Variants in PLEC observed in about 807,000 individuals in gnomAD.
The protein encoded by PLEC is hemidesmosomal protein 1.
In PLEC, 216 loss-of-function variants were observed where a neutral mutation model predicts 392.8. The ratio of observed to expected loss-of-function variants is 0.55; its 90% CI spans 0.49 to 0.62. PLEC has a LOEUF of 0.62. Ranked by LOEUF, PLEC falls within the 20% of genes least tolerant of loss-of-function variation. The probability of loss-of-function intolerance (pLI) is 0.00; values close to 1 mark genes in which losing one functional copy is unlikely to be tolerated. For missense variants in PLEC, 6,863 were observed against 6,563.4 expected (o/e 1.05, Z -1.58); for synonymous variants, 3,621 against 2,980.6 (o/e 1.21, Z -7.00).
rs1554726577 is a variant in PLEC at position 143,939,341 on chromosome 8, C to A, written c.112+9G>T. 1 of 1,609,188 alleles carries A rather than the reference C, an allele frequency of 6.2e-7. No homozygotes were observed. Among genetic ancestry groups the A allele is most frequent in the South Asian group, 1.1e-5 (1 of 90,164 alleles). Reference sequence around the variant, plus strand: ...GCCTGGCGGGGGTGCCCGAGGGGAGCCCTGCTACCTTTCTTGCCCTCAGAG... The same window carrying A: ...GCCTGGCGGGGGTGCCCGAGGGGAGACCTGCTACCTTTCTTGCCCTCAGAG... On this transcript the variant is annotated intron_variant, in intron 1 of 31. Transcript: ENST00000345136.
Position 143,920,165 on chromosome 8 carries a change from G to C in PLEC, c.9656C>G (p.Ala3219Gly). Residue 3219 changes from alanine to glycine, a missense_variant, in exon 32 of 32, where the codon GCC becomes GGC. Physicochemically the swap from Ala to Gly is moderately conservative, Grantham distance 60. Transcript: ENST00000345136. ...LLPLSEKAARARQEELYSELQ... is the reference protein window; with the variant it reads ...LLPLSEKAARGRQEELYSELQ... ...CTCTGAGTAGAGCTCCTCCTGCCGG[G>C]CCCGAGCAGCCTTTTCTGAGAGCGG... 1.2e-6 allele frequency: 2 copies of C among 1,612,410 alleles called. No homozygotes were observed. Among genetic ancestry groups the C allele is most frequent in the Non-Finnish European group, 8.5e-7 (1 of 1,179,988 alleles).
upstream of PLEC, among the ~76,000 whole-genome samples, chr8:143,975,765 C>A (rs946319596): frequency 6.6e-6 from 1 of 152,088 alleles, no homozygotes; most frequent in Non-Finnish European, 1.5e-5. The surrounding 1 kb of genome is among the most constrained non-coding windows in gnomAD (Gnocchi z 9.9). Flanking sequence ...CCTACTCTGT[C>A]ACCCAGGGGC....
Position 143,931,569 on chromosome 8 carries a change from C to G in PLEC, c.2269G>C (p.Val757Leu). 1 of 1,596,840 alleles carries G rather than the reference C, an allele frequency of 6.3e-7. No individual in the cohort carries two copies. The highest frequency in any genetic ancestry group is 8.5e-7 in the Non-Finnish European group (1 of 1,171,912). Residue 757 changes from valine (V) to leucine (L), a missense_variant, in exon 19 of 32, where the codon GTC becomes CTC. Val to Leu is a conservative substitution (Grantham distance 32). Transcript: ENST00000345136. Reference sequence around the variant, plus strand: ...TGCAGCAGGTCCTCCAGCCGGGTGACGGTGGCGGAGCGATCACAACTGTAT... The same window carrying G: ...TGCAGCAGGTCCTCCAGCCGGGTGAGGGTGGCGGAGCGATCACAACTGTAT... ...RKYSCDRSAT[V>L]TRLEDLLQDA...
In PLEC at chr8:143,921,330, G is replaced by A. The variant is rs781797258; in HGVS notation, c.8491C>T (p.Arg2831Trp). 1.2e-5 allele frequency: 20 copies of A among 1,613,714 alleles called. No individual in the cohort carries two copies. Among genetic ancestry groups the A allele is most frequent in the South Asian group, 2.2e-5 (2 of 91,088 alleles). Residue 2831 changes from arginine (R) to tryptophan (W), a missense_variant, in exon 32 of 32, where the codon CGG becomes TGG. Physicochemically the swap from Arg to Trp is moderately radical, Grantham distance 101 (BLOSUM62 -3). Coordinates refer to ENST00000345136, the MANE Select transcript of PLEC (RefSeq NM_201384.3). The stretch of plus-strand genomic sequence containing the variant: ...ATCTCCTCGTCGAAGTAGCCGCGCC[G>A]GTAGGCCACGTCCACGGGCACGCGG... ...SHRVPVDVAYRRGYFDEEMNR... is the reference protein window; with the variant it reads ...SHRVPVDVAYWRGYFDEEMNR...
rs201373782 is a variant in PLEC at position 143,934,282 on chromosome 8, C to T, written c.1169+36G>A. 8.6e-5 allele frequency: 138 copies of T among 1,609,890 alleles called. 2 individuals are homozygous for T. The Middle Eastern group carries it at 1.0e-3, about 12-fold the overall frequency. ...TCCTTCCCAGGCAGTGACACACCCTCGGGTGGTTCCCCTGCCACCACAGGG... is the reference window on the plus strand; with the variant it reads ...TCCTTCCCAGGCAGTGACACACCCTTGGGTGGTTCCCCTGCCACCACAGGG... On this transcript the variant is annotated intron_variant, in intron 11 of 31. Coordinates refer to ENST00000345136, the MANE Select transcript of PLEC (RefSeq NM_201384.3).
At chr8:143,925,980 G>A (rs1825017851) in intron 30 of PLEC, 96 bp from the exon 31 acceptor site, 16 of 1,327,190 alleles carry the variant, frequency 1.2e-5, no homozygotes, top group South Asian at 6.3e-5. Context: ...CTCAGACAGC[G>A]CGGAGCAGGG....
At chr8:143,926,373 G>A (rs1008505908) in intron 30 of PLEC, among the ~76,000 whole-genome samples, 5 of 152,184 alleles carry the variant, frequency 3.3e-5, no homozygotes, top group Non-Finnish European at 4.4e-5. Context: ...TCAGGGCCAC[G>A]CAGAAGGTAG....
rs782621816 is a variant in PLEC, at chr8:143,923,398, C to G, written c.6531G>C (p.Thr2177=). Residue 2177 remains threonine, a synonymous_variant, in exon 31 of 32, where the codon ACG becomes ACC. Coordinates refer to ENST00000345136, the MANE Select transcript of PLEC (RefSeq NM_201384.3). The part of the protein sequence containing the change: ...MEKHKKFAEQ[T]LRQKAQVEQE... ...GCTCCACCTGCGCCTTCTGCCGCAG[C>G]GTCTGCTCGGCGAATTTCTTATGCT... 1.2e-6 allele frequency: 2 copies of G among 1,610,664 alleles called. No individual in the cohort carries two copies. The highest frequency in any genetic ancestry group is 2.7e-5 in the African/African-American group (2 of 74,898).
In PLEC at chr8:143,920,203, C is replaced by G; in HGVS notation, c.9618G>C (p.Gly3206=). 6.2e-7 allele frequency: 1 copy of G among 1,609,552 alleles called. No individual in the cohort carries two copies. The highest frequency in any genetic ancestry group is 8.5e-7 in the Non-Finnish European group (1 of 1,179,624). ...QQRCRPDQLT[G]LSLLPLSEKA... Reference sequence around the variant, plus strand: ...TTTCTGAGAGCGGCAGCAGGCTCAGCCCGGTCAGCTGGTCGGGCCGGCACC... The same window carrying G: ...TTTCTGAGAGCGGCAGCAGGCTCAGGCCGGTCAGCTGGTCGGGCCGGCACC... Residue 3206 remains glycine, a synonymous_variant, in exon 32 of 32, where the codon GGG becomes GGC. Transcript: ENST00000345136.
At position 143,969,246 on chromosome 8, in the gene PLEC, C is replaced by T. The variant is rs1175006904; in HGVS notation, c.70+4157G>A. On this transcript the variant is annotated intron_variant, in intron 1 of 31. Transcript: ENST00000356346. The surrounding 1 kb of genome is among the most constrained non-coding windows in gnomAD (Gnocchi z 5.1). ...ACAGCGTCCCGGCAAGTCGAAGAGG[C>T]CAGACCCAGGGCCAGTACAGGCCAA... Among the ~76,000 whole-genome samples, 7 of 152,224 alleles carry T rather than the reference C, an allele frequency of 4.6e-5. No homozygotes were observed. In the East Asian group the frequency reaches 1.3e-3, roughly 29 times the overall value.
At position 143,922,082 on chromosome 8, in the gene PLEC, C is replaced by G. The variant is rs782751670; in HGVS notation, c.7739G>C (p.Arg2580Pro). Residue 2580 changes from arginine (R) to proline (P), a missense_variant, in exon 32 of 32, where the codon CGG becomes CCG. By Grantham distance (103) the Arg-to-Pro change is moderately radical (BLOSUM62 -2). Transcript: ENST00000345136. ...AGCCAGCAGCTCCTCCTGCTGCCGC[C>G]GCTGCTGCTCCAGCTGCTGCAGCTC... is the stretch of plus-strand genomic sequence containing the variant. Reference protein sequence around the residue: ...QEELQQLEQQRRQQEELLAEE... With the variant: ...QEELQQLEQQPRQQEELLAEE... The G allele has an allele frequency of 6.4e-7, 1 of 1,574,452 alleles. No homozygotes were observed. The highest frequency in any genetic ancestry group is 8.6e-7 in the Non-Finnish European group (1 of 1,167,908).
intron 1 of PLEC, among the ~76,000 whole-genome samples, chr8:143,949,815 G>C (rs1216696874): frequency 2.0e-5 from 3 of 152,050 alleles, no homozygotes; most frequent in Non-Finnish European, 2.9e-5. Context: ...GCACCTCCTC[G>C]CACACCCCCA....
chr8:143,929,703 G>A lies in PLEC; in HGVS notation c.2866C>T (p.Arg956Cys), dbSNP rs781887449. 18 of 1,599,414 alleles carry A rather than the reference G, an allele frequency of 1.1e-5. No individual in the cohort carries two copies. Among genetic ancestry groups the A allele is most frequent in the South Asian group, 2.2e-5 (2 of 90,948 alleles). ...TGGTGGCTGCAGGAGCCGTACTCGCGCTCAGCCATCAGCCGGTCCTCGGGT... is the reference window on the plus strand; with the variant it reads ...TGGTGGCTGCAGGAGCCGTACTCGCACTCAGCCATCAGCCGGTCCTCGGGT... ...FGPEDRLMAE[R>C]EYGSCSHHYQ... The change falls in exon 23 of 32, where the codon CGC becomes TGC. Residue 956 changes from arginine (R) to cysteine (C), a missense_variant. Coordinates refer to ENST00000345136, the MANE Select transcript of PLEC (RefSeq NM_201384.3).
chr8:143,944,132 C>G (rs574240750), upstream of PLEC, among the ~76,000 whole-genome samples: 3 of 152,094 alleles, frequency 2.0e-5, no homozygotes, highest in Non-Finnish European at 4.4e-5. Context: ...CCCACCCGGC[C>G]GGCTCAGCTG....
At chr8:143,961,052 C>T (rs782767183) in intron 1 of PLEC, among the ~76,000 whole-genome samples, 16 of 152,248 alleles carry the variant, frequency 1.1e-4, no homozygotes, top group African/African-American at 1.9e-4. Context: ...ATCGTCTGCT[C>T]GGACACACAC....
upstream of PLEC, chr8:143,973,609 C>A: frequency 6.0e-6 from 5 of 838,600 alleles, no homozygotes; most frequent in Non-Finnish European, 5.7e-6. This position sits in a 1 kb window ranked among gnomAD's most constrained non-coding sequence, Gnocchi z 5.6. Flanking sequence ...GGATGCCCCA[C>A]GGGCGGGGCG....
chr8:143,938,165 A>T lies in PLEC; in HGVS notation c.250T>A (p.Ser84Thr), dbSNP rs782150431. The change falls in exon 3 of 32, where the codon TCG becomes ACG. Residue 84 changes from serine (S) to threonine (T), a missense_variant. Ser to Thr is a moderately conservative substitution (Grantham distance 58). Transcript: ENST00000345136. ...GGCACACGTACCAGGCTGTCCCCCG[A>T]GAGGACCTCCAGCAGGGAGATGAGG... The part of the protein sequence containing the change: ...HNLISLLEVL[S>T]GDSLPREKGR... 1.2e-6 allele frequency: 2 copies of T among 1,606,398 alleles called. No individual in the cohort carries two copies. Among genetic ancestry groups the T allele is most frequent in the Admixed American group, 3.3e-5 (2 of 59,782 alleles).
Position 143,935,830 on chromosome 8 carries a change from G to GC in PLEC, c.602+17dup. Reference sequence around the variant, plus strand: ...GGGTGCCCCCAGCCCACAGCCCCCTGCCCCCGGGGCCATGTACTTGTGCCG... The same window carrying GC: ...GGGTGCCCCCAGCCCACAGCCCCCTGCCCCCCGGGGCCATGTACTTGTGCCG... On this transcript the variant is annotated intron_variant, in intron 6 of 31. Coordinates refer to ENST00000345136, the MANE Select transcript of PLEC (RefSeq NM_201384.3). 1 of 1,612,240 alleles carries GC rather than the reference G, an allele frequency of 6.2e-7. No homozygotes were observed. Among genetic ancestry groups the GC allele is most frequent in the Non-Finnish European group, 8.5e-7 (1 of 1,179,694 alleles).
intron 9 of PLEC, 28 bp downstream of exon 9, chr8:143,934,782 A>G: frequency 1.9e-6 from 3 of 1,611,768 alleles, no homozygotes; most frequent in East Asian, 2.2e-5. Context: ...GGGCAGGCCC[A>G]GGACCCCGCC....
Sources: allele counts gnomAD v4.1 joint callset (sites outside exome capture counted in the v4.1 genomes callset), GRCh38; gene constraint gnomAD v4.1.1; non-coding constraint Gnocchi (gnomAD v3.1); transcripts MANE v1.5; gene names NCBI Gene and HGNC (gene_info 2026-07-23, HGNC 2026-07-21).